Variants in KDM7A observed in about 807,000 individuals in gnomAD.
KDM7A encodes the protein lysine-specific demethylase 7A.
Under a neutral mutation model 114.8 loss-of-function variants are expected in KDM7A, and 28 were observed. The observed-to-expected ratio is 0.24, with a 90% CI of 0.18 to 0.33. The LOEUF (loss-of-function observed/expected upper bound fraction) is 0.33. Ranked by LOEUF, KDM7A falls within the 10% of genes least tolerant of loss-of-function variation. The pLI, the probability that KDM7A is intolerant of heterozygous loss-of-function variation, is 1.00. For missense variants in KDM7A, 942 were observed against 1,142.5 expected, an observed-to-expected ratio of 0.82 and a Z score of 2.53; for synonymous variants, 423 against 397.8, an observed-to-expected ratio of 1.06 and a Z score of -0.75.
chr7:140,087,813 C>T lies in KDM7A; in HGVS notation c.*3281G>A, dbSNP rs1817955028. 1 of 152,196 alleles carries T rather than the reference C, an allele frequency of 6.6e-6. No homozygotes were observed. The highest frequency in any genetic ancestry group is 2.1e-4 in the South Asian group (1 of 4,834). 9.4% of individuals were successfully genotyped at this position (152,196 alleles called of 1,614,324 possible). A position where few individuals can be genotyped will look rare whatever the true frequency, so the allele number is the denominator to read the frequency against. On this transcript the variant is annotated 3_prime_UTR_variant, in exon 20 of 20. Coordinates refer to ENST00000397560, the MANE Select transcript of KDM7A (RefSeq NM_030647.2). ...AATTGTGAAATTACTTTCACTTCTA[C>T]AGTGGCATATCTCAGTTGAAACTAA...
intron 7 of KDM7A, among the ~76,000 whole-genome samples, chr7:140,124,283 G>A (rs1331310902): frequency 7.6e-6 from 1 of 131,362 alleles, no homozygotes; most frequent in Admixed American, 7.5e-5. Context: ...CAATGAAAAT[G>A]TTCTGGAATT....
chr7:140,170,123 A>G (rs1350514237), intron 1 of KDM7A, among the ~76,000 whole-genome samples: 3 of 152,166 alleles, frequency 2.0e-5, no homozygotes, highest in African/African-American at 7.2e-5. Context: ...CAAATTTGTA[A>G]AATATTTCCT....
At chr7:140,169,297 C>G (rs1794612888) in intron 1 of KDM7A, among the ~76,000 whole-genome samples, 1 of 152,176 alleles carries the variant, frequency 6.6e-6, no homozygotes, top group Non-Finnish European at 1.5e-5. Flanking sequence ...ACTGGCTGTT[C>G]AAAGGCTGCA....
intron 7 of KDM7A, among the ~76,000 whole-genome samples, chr7:140,123,392 C>T (rs1818645981): frequency 6.6e-6 from 1 of 152,142 alleles, no homozygotes; most frequent in Non-Finnish European, 1.5e-5. Context: ...TACAAATGTT[C>T]GAAGCAGCAC....
At chr7:140,156,989 C>T (rs1557940) in intron 1 of KDM7A, among the ~76,000 whole-genome samples, 64,441 of 151,666 alleles carry the variant, frequency 0.42, 13,966 homozygotes, top group African/African-American at 0.48. Flanking sequence ...CAGCATCCTC[C>T]TAGGGATAAA....
chr7:140,151,583 GA>G (rs1201005140), intron 1 of KDM7A, among the ~76,000 whole-genome samples: 1 of 152,044 alleles, frequency 6.6e-6, no homozygotes, highest in Non-Finnish European at 1.5e-5. Context: ...CTTTTTCAAT[GA>G]AAAAGGACAC....
chr7:140,114,554 A>T (rs1216627707), intron 9 of KDM7A, among the ~76,000 whole-genome samples: 1 of 152,052 alleles, frequency 6.6e-6, no homozygotes, highest in East Asian at 1.9e-4. Context: ...TTGGCCTCCC[A>T]AAGTGCCGAG....
At chr7:140,091,219 T>C in intron 19 of KDM7A, 31 bp from the exon 20 acceptor site, 1 of 1,443,652 alleles carries the variant, frequency 6.9e-7, no homozygotes, top group Non-Finnish European at 9.8e-7. Flanking sequence ...GTGTAAGTAA[T>C]GATGAAAAGT....
At position 140,127,499 on chromosome 7, in the gene KDM7A, A is replaced by G; in HGVS notation, c.644T>C (p.Met215Thr). Residue 215 changes from methionine (M) to threonine (T), a missense_variant, in exon 5 of 20, where the codon ATG becomes ACG. Physicochemically the swap from Met to Thr is moderately conservative, Grantham distance 81. Around this residue, in one of 4 missense-constraint regions of KDM7A, gnomAD observed 318 missense variants for 453.1 expected, o/e 0.70. Coordinates refer to ENST00000397560, the MANE Select transcript of KDM7A (RefSeq NM_030647.2). ...MTLHNYVKYF[M>T]NPNRPKVLNV... ...TAACACTTTTGGTCTGTTAGGATTC[A>G]TGAAGTATTTAACATAATTGTGAAG... 6.2e-7 allele frequency: 1 copy of G among 1,613,606 alleles called. No individual in the cohort carries two copies. Among genetic ancestry groups the G allele is most frequent in the East Asian group, 2.2e-5 (1 of 44,878 alleles).
intron 5 of KDM7A, 119 bp from the exon 6 acceptor site, chr7:140,126,942 C>T (rs1281441731): frequency 2.7e-6 from 2 of 744,282 alleles, no homozygotes; most frequent in Non-Finnish European, 4.4e-6. Flanking sequence ...TTAACAACAA[C>T]ACTTAAAAGT....
intron 1 of KDM7A, among the ~76,000 whole-genome samples, chr7:140,154,516 A>AAAT (rs1348357122): frequency 3.7e-4 from 56 of 151,388 alleles, no homozygotes; most frequent in African/African-American, 1.3e-3. Context: ...AAAAAAAAAA[A>AAAT]AAAAGACAAA....
chr7:140,115,688 C>G (rs1308480885), intron 9 of KDM7A, among the ~76,000 whole-genome samples: 2 of 151,834 alleles, frequency 1.3e-5, no homozygotes, highest in African/African-American at 4.8e-5. Flanking sequence ...CCTAGGAAAA[C>G]CAGAGACCTT....
At chr7:140,148,510 A>G (rs1365393297) in intron 1 of KDM7A, among the ~76,000 whole-genome samples, 2 of 152,216 alleles carry the variant, frequency 1.3e-5, no homozygotes, top group Non-Finnish European at 2.9e-5. Flanking sequence ...AAACTGTAGA[A>G]CAATGGTTTT....
intron 1 of KDM7A, among the ~76,000 whole-genome samples, chr7:140,160,917 C>T (rs780358956): frequency 5.9e-5 from 9 of 152,094 alleles, no homozygotes; most frequent in Non-Finnish European, 1.2e-4. Context: ...ACTGCGTTCA[C>T]CCAGTCACCA....
intron 13 of KDM7A, among the ~76,000 whole-genome samples, chr7:140,099,482 A>C (rs1210259187): frequency 6.6e-6 from 1 of 152,164 alleles, no homozygotes; most frequent in Non-Finnish European, 1.5e-5. Flanking sequence ...TACAGGTGTG[A>C]GCCACTGAGC....
At chr7:140,139,305 T>G in intron 1 of KDM7A, 115 bp from the exon 2 acceptor site, 1 of 676,802 alleles carries the variant, frequency 1.5e-6, no homozygotes, top group South Asian at 1.8e-5. Context: ...CAACACATTT[T>G]TGTAGAGCAC....
At chr7:140,141,993 T>A (rs1775169596) in intron 1 of KDM7A, among the ~76,000 whole-genome samples, 1 of 148,158 alleles carries the variant, frequency 6.7e-6, no homozygotes, top group African/African-American at 2.5e-5. Context: ...ATTTTATATA[T>A]CCATAAATGA....
intron 1 of KDM7A, 57 bp from the exon 2 acceptor site, chr7:140,139,247 T>C: frequency 8.6e-7 from 1 of 1,156,182 alleles, no homozygotes; most frequent in South Asian, 1.3e-5. Context: ...TTCGCTTAAC[T>C]ATAATACAGT....
chr7:140,096,789 C>T (rs747796085), intron 16 of KDM7A, 26 bp from the exon 17 acceptor site: 1 of 1,602,710 alleles, frequency 6.2e-7, no homozygotes, highest in East Asian at 2.2e-5. Context: ...TCCAAAAACA[C>T]AAGAGTCTAT....
Sources: gnomAD v4.1 joint callset for allele counts (sites outside exome capture counted in the v4.1 genomes callset) on GRCh38, gnomAD v4.1.1 for gene constraint, gnomAD v4.1.1 regional missense constraint, MANE v1.5 for transcripts, NCBI Gene and HGNC (gene_info 2026-07-23, HGNC 2026-07-21) for gene names.